The following HS6ST3 variants were observed in gnomAD, a reference collection of about 807,000 sequenced individuals.
The protein encoded by HS6ST3 is heparan sulfate 6-O-sulfotransferase 3.
HS6ST3 carries 12 observed loss-of-function variants against 36.7 expected under a neutral mutation model. That is an observed-to-expected ratio of 0.33 (90% CI 0.21 to 0.53). The LOEUF is 0.53. Among genes scored for constraint, HS6ST3 ranks in the 20% least tolerant of loss-of-function variants. The pLI is 0.95. For missense variants in HS6ST3, 584 were observed against 640.9 expected (o/e 0.91, Z 0.96); for synonymous variants, 240 against 257.5 (o/e 0.93, Z 0.65).
At chr13:96,483,288 G>A (rs559671471) in intron 1 of HS6ST3, among the ~76,000 whole-genome samples, 1 of 152,148 alleles carries the variant, frequency 6.6e-6, no homozygotes, top group Non-Finnish European at 1.5e-5. Context: ...TGGCGCTTAC[G>A]AGGTGAATAT....
intron 1 of HS6ST3, among the ~76,000 whole-genome samples, chr13:96,335,862 G>T (rs929177087): frequency 6.6e-6 from 1 of 152,198 alleles, no homozygotes; most frequent in Non-Finnish European, 1.5e-5. Flanking sequence ...GTCAGGGGTA[G>T]AATAATTCCT....
chr13:96,462,147 G>C (rs919741415), intron 1 of HS6ST3, among the ~76,000 whole-genome samples: 4 of 152,110 alleles, frequency 2.6e-5, no homozygotes, highest in African/African-American at 9.7e-5. Context: ...ATGGCTCACT[G>C]CAGCCTCAAC....
Position 96,832,957 on chromosome 13 carries a change from G to T in HS6ST3, c.1175G>T (p.Gly392Val), listed in dbSNP as rs753181449. Residue 392 changes from glycine (G) to valine (V), a missense_variant, in exon 2 of 2, where the codon GGT becomes GTT. By Grantham distance (109) the Gly-to-Val change is moderately radical. Transcript: ENST00000376705. ...TRASNVEINE[G>V]ARQRIEDLNF... ...GCTTCTAACGTGGAGATCAACGAGG[G>T]TGCCCGCCAACGCATTGAGGATCTA... 2 of 1,614,034 alleles carry T rather than the reference G, an allele frequency of 1.2e-6. No individual in the cohort carries two copies. Among genetic ancestry groups the T allele is most frequent in the South Asian group, 2.2e-5 (2 of 91,064 alleles).
chr13:96,380,562 G>A (rs1053634777), intron 1 of HS6ST3, among the ~76,000 whole-genome samples: 2 of 152,014 alleles, frequency 1.3e-5, no homozygotes, highest in African/African-American at 4.8e-5. Flanking sequence ...TACTGCACCC[G>A]GCCTAGCACA....
intron 1 of HS6ST3, among the ~76,000 whole-genome samples, chr13:96,429,180 C>T (rs138056415): frequency 5.2e-4 from 79 of 152,176 alleles, no homozygotes; most frequent in African/African-American, 1.7e-3. Context: ...CCAGCTGTTT[C>T]GAAACTTTAC....
intron 1 of HS6ST3, among the ~76,000 whole-genome samples, chr13:96,319,780 C>T (rs1014248727): frequency 1.3e-5 from 2 of 152,174 alleles, no homozygotes; most frequent in Non-Finnish European, 2.9e-5. Flanking sequence ...TTTAGGATTT[C>T]GTTTTAAAGC....
At chr13:96,330,487 C>G (rs2055059950) in intron 1 of HS6ST3, among the ~76,000 whole-genome samples, 1 of 150,586 alleles carries the variant, frequency 6.6e-6, no homozygotes. Flanking sequence ...AAATTCTTTT[C>G]TTTAAGAATG....
intron 1 of HS6ST3, among the ~76,000 whole-genome samples, chr13:96,546,721 T>G (rs1331835973): frequency 6.6e-6 from 1 of 152,190 alleles, no homozygotes; most frequent in Non-Finnish European, 1.5e-5. Context: ...TTCCTTTTAA[T>G]GTAAGAGCGC....
intron 1 of HS6ST3, among the ~76,000 whole-genome samples, chr13:96,673,874 C>T (rs2056690285): frequency 6.6e-6 from 1 of 152,000 alleles, no homozygotes; most frequent in African/African-American, 2.4e-5. Flanking sequence ...TTTGAACTTT[C>T]TGTATCATCT....
intron 1 of HS6ST3, among the ~76,000 whole-genome samples, chr13:96,421,313 T>C (rs1358967271): frequency 6.6e-6 from 1 of 152,228 alleles, no homozygotes; most frequent in East Asian, 1.9e-4. Context: ...AATTCATTAA[T>C]GACTTCCTCT....
At chr13:96,217,858 A>G (rs1359746757) in intron 1 of HS6ST3, among the ~76,000 whole-genome samples, 1 of 152,310 alleles carries the variant, frequency 6.6e-6, no homozygotes, top group African/African-American at 2.4e-5. Context: ...ATACATAAAT[A>G]CATAGATGAA....
At chr13:96,189,001 A>G (rs2054277135) in intron 1 of HS6ST3, among the ~76,000 whole-genome samples, 1 of 152,172 alleles carries the variant, frequency 6.6e-6, no homozygotes, top group South Asian at 2.1e-4. Flanking sequence ...AAATCCAGGT[A>G]TTTATACTGT....
At chr13:96,489,905 C>CT (rs2055936387) in intron 1 of HS6ST3, among the ~76,000 whole-genome samples, 1 of 152,100 alleles carries the variant, frequency 6.6e-6, no homozygotes, top group African/African-American at 2.4e-5. Flanking sequence ...TCTTCTTTCT[C>CT]TTTTCTCACT....
chr13:96,737,262 A>G (rs901990353), intron 1 of HS6ST3, among the ~76,000 whole-genome samples: 1 of 152,210 alleles, frequency 6.6e-6, no homozygotes, highest in Non-Finnish European at 1.5e-5. Context: ...AAGAACATGA[A>G]TGAATGAAGA....
chr13:96,138,534 A>C (rs1042434956), intron 1 of HS6ST3, among the ~76,000 whole-genome samples: 1 of 151,728 alleles, frequency 6.6e-6, no homozygotes, highest in African/African-American at 2.4e-5. Context: ...TTTGTACCAT[A>C]AAACCGTCAC....
chr13:96,642,648 G>A (rs2056574316), intron 1 of HS6ST3, among the ~76,000 whole-genome samples: 1 of 151,684 alleles, frequency 6.6e-6, no homozygotes, highest in African/African-American at 2.4e-5. Flanking sequence ...TTTTGATTCT[G>A]CCTGCTCAAA....
intron 1 of HS6ST3, among the ~76,000 whole-genome samples, chr13:96,302,861 T>C (rs1028430978): frequency 6.6e-6 from 1 of 152,224 alleles, no homozygotes; most frequent in East Asian, 1.9e-4. Context: ...TCTATATACC[T>C]ATAATTTTAT....
chr13:96,782,343 A>G (rs1014309125), intron 1 of HS6ST3, among the ~76,000 whole-genome samples: 16 of 152,220 alleles, frequency 1.1e-4, no homozygotes, highest in Admixed American at 9.2e-4. Flanking sequence ...ACATCAGACC[A>G]GTGCTAAGTA....
rs76517824 is a variant in HS6ST3 at position 96,269,249 on chromosome 13, C to T, written c.707+177680C>T. 6.4e-3 allele frequency among the ~76,000 whole-genome samples: 966 copies of T among 151,942 alleles called. 29 individuals carry two copies. The highest frequency in any genetic ancestry group is 0.043 in the Admixed American group (661 of 15,258). On this transcript the variant is annotated intron_variant, in intron 1 of 1. Coordinates refer to ENST00000376705, the MANE Select transcript of HS6ST3 (RefSeq NM_153456.4). The stretch of plus-strand genomic sequence containing the variant: ...GCATGTATTCATGTGTAATTTTATA[C>T]TATTTGGTATACATAAAATGTATAT...
Sources: gnomAD v4.1 joint callset for allele counts (sites outside exome capture counted in the v4.1 genomes callset) on GRCh38, gnomAD v4.1.1 for gene constraint, MANE v1.5 for transcripts, NCBI Gene and HGNC (gene_info 2026-07-23, HGNC 2026-07-21) for gene names.